KCNG3: variants seen among roughly 807,000 people sequenced by gnomAD.
KCNG3 encodes voltage-gated potassium channel regulatory subunit KCNG3.
In KCNG3, 15 loss-of-function variants were observed where a neutral mutation model predicts 29.0. The ratio of observed to expected loss-of-function variants is 0.52; its 90% CI spans 0.35 to 0.80. The LOEUF is 0.80. Among genes scored for constraint, KCNG3 ranks in the 30% least tolerant of loss-of-function variants. The pLI, the probability that KCNG3 is intolerant of heterozygous loss-of-function variation, is 0.01. For synonymous variants in KCNG3, 322 were observed against 248.9 expected (o/e 1.29, Z -2.76); for missense variants, 512 against 605.7 (o/e 0.85, Z 1.62).
the KCNG3 span, among the ~76,000 whole-genome samples, chr2:42,422,786 G>A: frequency 1.3e-5 from 2 of 152,088 alleles, no homozygotes; most frequent in Non-Finnish European, 2.9e-5. Flanking sequence ...TGCACCCTAA[G>A]CCACCAGAAT....
At chr2:42,471,180 GTGTGTA>G (rs1159425487) in intron 1 of KCNG3, among the ~76,000 whole-genome samples, 10 of 151,054 alleles carry the variant, frequency 6.6e-5, no homozygotes, top group African/African-American at 1.5e-4. Context: ...GTGTGTGTGT[GTGTGTA>G]TATATATATA....
the KCNG3 span, among the ~76,000 whole-genome samples, chr2:42,435,664 G>T: frequency 6.6e-6 from 1 of 152,100 alleles, no homozygotes; most frequent in Non-Finnish European, 1.5e-5. Flanking sequence ...ATTGTCATTA[G>T]GGAAATGCAA....
chr2:42,434,464 A>G, the KCNG3 span, among the ~76,000 whole-genome samples: 3 of 89,278 alleles, frequency 3.4e-5, no homozygotes, highest in Non-Finnish European at 7.6e-5. Flanking sequence ...GTCTCAAAAA[A>G]AAAAAAAAAA....
chr2:42,475,238 T>C (rs1340192877), intron 1 of KCNG3, among the ~76,000 whole-genome samples: 2 of 151,946 alleles, frequency 1.3e-5, no homozygotes, highest in Non-Finnish European at 2.9e-5. Flanking sequence ...GGCAGGAGGA[T>C]AGCCTGAGCC....
Position 42,442,681 on chromosome 2 carries a change from T to C in KCNG3, c.*1253A>G, listed in dbSNP as rs772223098. ...GTTTATATATACACTAACTTCTTTA[T>C]GGTAACTGGTTGAAAAAGCAAAATT... On this transcript the variant is annotated 3_prime_UTR_variant, in exon 2 of 2. Transcript: ENST00000306078. 3.3e-5 allele frequency: 5 copies of C among 152,242 alleles called. No homozygotes were observed. Among genetic ancestry groups the C allele is most frequent in the East Asian group, 1.9e-4 (1 of 5,200 alleles). The allele number at this position is 152,242 out of a possible 1,614,324, so 9.4% of individuals were successfully genotyped here.
At chr2:42,440,700 T>C (rs575422273), downstream of KCNG3, among the ~76,000 whole-genome samples, 3 of 152,332 alleles carry the variant, frequency 2.0e-5, no homozygotes, top group South Asian at 2.1e-4. Context: ...TGGGTACTTA[T>C]AGGTAATGAC....
At chr2:42,397,703 T>A in the KCNG3 span, among the ~76,000 whole-genome samples, 2 of 152,346 alleles carry the variant, frequency 1.3e-5, no homozygotes, top group African/African-American at 4.8e-5. Flanking sequence ...AGAATGGGAC[T>A]GGGTGTTTTC....
intron 1 of KCNG3, among the ~76,000 whole-genome samples, chr2:42,482,897 G>C (rs1673625536): frequency 6.6e-6 from 1 of 152,080 alleles, no homozygotes. Flanking sequence ...GAGATACATG[G>C]ATCACTCAAG....
intron 1 of KCNG3, among the ~76,000 whole-genome samples, chr2:42,478,960 T>A (rs909029978): frequency 8.4e-6 from 1 of 118,696 alleles, no homozygotes; most frequent in African/African-American, 3.8e-5. Context: ...GTTTGAATTT[T>A]TTTTTTTTTT....
At chr2:42,477,337 A>C (rs533485921) in intron 1 of KCNG3, among the ~76,000 whole-genome samples, 2 of 151,190 alleles carry the variant, frequency 1.3e-5, no homozygotes, top group African/African-American at 4.9e-5. Flanking sequence ...CAAATTTTTC[A>C]ATACTATATA....
rs527859229 is a variant in KCNG3, at chr2:42,443,075, G to A, written c.*859C>T. On this transcript the variant is annotated 3_prime_UTR_variant, in exon 2 of 2. Coordinates refer to ENST00000306078, the MANE Select transcript of KCNG3 (RefSeq NM_133329.6). ...GGGGGAGGAGGTTAAGAGAAGAAGA[G>A]GTTGTAATATTGAGTCATCTCAAAT... is the stretch of plus-strand genomic sequence containing the variant. The A allele has an allele frequency of 2.6e-5, 4 of 152,134 alleles. No homozygotes were observed. Among genetic ancestry groups the A allele is most frequent in the African/African-American group, 7.2e-5 (3 of 41,434 alleles). 9.4% of individuals were successfully genotyped at this position (152,134 alleles called of 1,614,324 possible). A position where few individuals can be genotyped will look rare whatever the true frequency, so the allele number is the denominator to read the frequency against.
At chr2:42,492,682 G>A (rs1361861576) in intron 1 of KCNG3, among the ~76,000 whole-genome samples, 155 bp downstream of exon 1, 1 of 148,982 alleles carries the variant, frequency 6.7e-6, no homozygotes, top group East Asian at 2.0e-4. Flanking sequence ...AGTGGGGACC[G>A]ACCGGTCCCG....
rs1174126432 is a variant in KCNG3 at position 42,443,732 on chromosome 2, T to C, written c.*202A>G. 4.0e-6 allele frequency: 2 copies of C among 496,446 alleles called. No homozygotes were observed. Among genetic ancestry groups the C allele is most frequent in the African/African-American group, 3.9e-5 (2 of 51,342 alleles). 30.8% of individuals were successfully genotyped at this position (496,446 alleles called of 1,614,324 possible). On this transcript the variant is annotated 3_prime_UTR_variant, in exon 2 of 2. Coordinates refer to ENST00000306078, the MANE Select transcript of KCNG3 (RefSeq NM_133329.6). Reference sequence around the variant, plus strand: ...CGGGTCCTAAAGTTTACTCTAGGAGTCATTATTCTTCCTTTGCAGTCTCAA... The same window carrying C: ...CGGGTCCTAAAGTTTACTCTAGGAGCCATTATTCTTCCTTTGCAGTCTCAA...
At position 42,442,978 on chromosome 2, in the gene KCNG3, G is replaced by A. The variant is rs895904156; in HGVS notation, c.*956C>T. The A allele has an allele frequency of 6.6e-6, 1 of 152,154 alleles. No homozygotes were observed. The highest frequency in any genetic ancestry group is 1.5e-5 in the Non-Finnish European group (1 of 68,006). 9.4% of individuals were successfully genotyped at this position (152,154 alleles called of 1,614,324 possible). On this transcript the variant is annotated 3_prime_UTR_variant, in exon 2 of 2. Transcript: ENST00000306078. ...ATGATAATCCAGTGACAACACGTAAGTATGACTTTGCTACTAAAAGGCTAT... is the reference window on the plus strand; with the variant it reads ...ATGATAATCCAGTGACAACACGTAAATATGACTTTGCTACTAAAAGGCTAT...
the KCNG3 span, among the ~76,000 whole-genome samples, chr2:42,419,430 T>C: frequency 6.6e-6 from 1 of 151,522 alleles, no homozygotes; most frequent in Non-Finnish European, 1.5e-5. Flanking sequence ...GTTAAAGAGA[T>C]GGGGTTTCGC....
chr2:42,491,307 C>A (rs1283515769), intron 1 of KCNG3, among the ~76,000 whole-genome samples: 3 of 152,072 alleles, frequency 2.0e-5, no homozygotes, highest in Non-Finnish European at 4.4e-5. Context: ...ACCCTCCCTC[C>A]CCCTAAGATT....
intron 1 of KCNG3, among the ~76,000 whole-genome samples, chr2:42,484,768 ACT>A (rs1323791793): frequency 6.6e-6 from 1 of 152,168 alleles, no homozygotes; most frequent in African/African-American, 2.4e-5. Flanking sequence ...AAAAAGAAGC[ACT>A]CTGGTTACAG....
chr2:42,441,100 G>T (rs534154270), downstream of KCNG3, among the ~76,000 whole-genome samples: 1 of 152,246 alleles, frequency 6.6e-6, no homozygotes, highest in Admixed American at 6.5e-5. Context: ...GCAGCAACAG[G>T]CCAGGCACAG....
Position 42,493,452 on chromosome 2 carries a change from C to G in KCNG3, c.50G>C (p.Gly17Ala). Residue 17 changes from glycine to alanine, a missense_variant, in exon 1 of 2, where the codon GGC becomes GCC. Physicochemically the swap from Gly to Ala is moderately conservative, Grantham distance 60. Transcript: ENST00000306078. ...CTCCCGGGACAGCGAATACCGGGCG[C>G]CGCCCACGTTCAGCACCACCGAGGC... ...GAASVVLNVG[G>A]ARYSLSRELL... 1 of 1,465,646 alleles carries G rather than the reference C, an allele frequency of 6.8e-7. No homozygotes were observed. Among genetic ancestry groups the G allele is most frequent in the Non-Finnish European group, 9.0e-7 (1 of 1,115,688 alleles). The allele number at this position is 1,465,646 out of a possible 1,614,324, so 90.8% of individuals were successfully genotyped here.
Sources: gnomAD v4.1 joint callset for allele counts (sites outside exome capture counted in the v4.1 genomes callset) on GRCh38, gnomAD v4.1.1 for gene constraint, MANE v1.5 for transcripts, NCBI Gene and HGNC (gene_info 2026-07-23, HGNC 2026-07-21) for gene names.